NEK11: variants seen among roughly 807,000 people sequenced by gnomAD.
The protein encoded by NEK11 is serine/threonine-protein kinase Nek11.
NEK11 carries 72 observed loss-of-function variants against 80.7 expected under a neutral mutation model. The observed-to-expected ratio is 0.89, with a 90% CI of 0.74 to 1.08. The LOEUF is 1.08. Among genes scored for constraint, NEK11 ranks in the 50% least tolerant of loss-of-function variants. The probability of loss-of-function intolerance (pLI) is 0.00; values close to 1 mark genes in which losing one functional copy is unlikely to be tolerated. For missense variants in NEK11, 764 were observed against 763.6 expected (o/e 1.00, Z -0.01); for synonymous variants, 251 against 260.7 (o/e 0.96, Z 0.36).
intron 3 of NEK11, among the ~76,000 whole-genome samples, chr3:131,074,441 A>G (rs1490252455): frequency 2.0e-5 from 3 of 152,162 alleles, no homozygotes; most frequent in Non-Finnish European, 4.4e-5. Flanking sequence ...TTAATTCCAC[A>G]TTCCATAATG....
chr3:131,231,795 C>T (rs115169089), intron 15 of NEK11, among the ~76,000 whole-genome samples: 1 of 152,034 alleles, frequency 6.6e-6, no homozygotes, highest in Non-Finnish European at 1.5e-5. Context: ...CCTCTTCTCC[C>T]CTTTCCCTGG....
intron 3 of NEK11, among the ~76,000 whole-genome samples, chr3:131,069,128 T>C (rs892430741): frequency 1.3e-5 from 2 of 152,172 alleles, no homozygotes; most frequent in African/African-American, 4.8e-5. Flanking sequence ...ATTAAAACCC[T>C]AGATTTTTTT....
rs967086467 is a variant in NEK11, at chr3:131,097,561, T to C, written c.337-12242T>C. Among the ~76,000 whole-genome samples, 22 of 152,332 alleles carry C rather than the reference T, an allele frequency of 1.4e-4. 1 individual carries two copies. Among genetic ancestry groups the C allele is most frequent in the Admixed American group, 9.2e-4 (14 of 15,288 alleles). The stretch of plus-strand genomic sequence containing the variant: ...TTGAGAAGTGTCTGTTCATATCCTT[T>C]GCCCACTTTTTGATGGGGTTGTTTG... On this transcript the variant is annotated intron_variant, in intron 4 of 17. Transcript: ENST00000383366.
chr3:131,112,889 T>A (rs189211924), intron 5 of NEK11, among the ~76,000 whole-genome samples: 1 of 152,252 alleles, frequency 6.6e-6, no homozygotes, highest in East Asian at 1.9e-4. Flanking sequence ...AGGGCTTTAT[T>A]TTGGAGCATA....
intron 17 of NEK11, among the ~76,000 whole-genome samples, chr3:131,308,330 G>A (rs886362251): frequency 4.6e-5 from 7 of 152,148 alleles, no homozygotes; most frequent in African/African-American, 1.7e-4. Context: ...AGTCAAGAAA[G>A]TCTTAATACA....
intron 17 of NEK11, among the ~76,000 whole-genome samples, chr3:131,336,204 C>G (rs1474609032): frequency 6.6e-6 from 1 of 152,184 alleles, no homozygotes; most frequent in African/African-American, 2.4e-5. Flanking sequence ...CATCACGCTA[C>G]CTGACTTCAA....
chr3:131,214,853 A>G (rs146376300), intron 14 of NEK11, among the ~76,000 whole-genome samples: 4 of 152,300 alleles, frequency 2.6e-5, no homozygotes, highest in African/African-American at 9.6e-5. Flanking sequence ...TTAGCCCTCC[A>G]GAAAGGGTCA....
At chr3:131,241,993 A>AG (rs1202393006) in intron 15 of NEK11, among the ~76,000 whole-genome samples, 32 of 152,278 alleles carry the variant, frequency 2.1e-4, no homozygotes, top group Middle Eastern at 3.4e-3. Flanking sequence ...TTGTCTAAAA[A>AG]GGGAGATTCC....
intron 14 of NEK11, among the ~76,000 whole-genome samples, chr3:131,203,199 A>G (rs187242733): frequency 3.3e-5 from 5 of 152,272 alleles, no homozygotes; most frequent in African/African-American, 7.2e-5. Context: ...TCAATGATAG[A>G]CTGGATTAAG....
intron 15 of NEK11, among the ~76,000 whole-genome samples, chr3:131,238,563 G>A (rs2095471335): frequency 6.6e-6 from 1 of 152,132 alleles, no homozygotes; most frequent in Non-Finnish European, 1.5e-5. Context: ...GGGGTTTAGG[G>A]AAGACCTACT....
intron 3 of NEK11, among the ~76,000 whole-genome samples, chr3:131,033,393 T>C (rs961591679): frequency 3.9e-5 from 6 of 152,180 alleles, no homozygotes; most frequent in African/African-American, 7.2e-5. Flanking sequence ...ATGCTATTCC[T>C]TCAACACATC....
chr3:131,082,986 G>A (rs984892466), intron 4 of NEK11, among the ~76,000 whole-genome samples: 1 of 152,176 alleles, frequency 6.6e-6, no homozygotes, highest in African/African-American at 2.4e-5. Context: ...TACAATGCTA[G>A]TATGAAACCC....
chr3:131,230,553 T>C (rs1203587799), intron 15 of NEK11, among the ~76,000 whole-genome samples: 1 of 152,198 alleles, frequency 6.6e-6, no homozygotes, highest in Non-Finnish European at 1.5e-5. Flanking sequence ...AGGTATCCAG[T>C]ACCTCTTTAT....
intron 12 of NEK11, among the ~76,000 whole-genome samples, chr3:131,167,412 A>G (rs1326584474): frequency 6.6e-6 from 1 of 152,272 alleles, no homozygotes. Flanking sequence ...ATGGCAAAAA[A>G]GAAATGTAGT....
chr3:131,328,090 C>A (rs2097003114), intron 17 of NEK11, among the ~76,000 whole-genome samples: 1 of 151,820 alleles, frequency 6.6e-6, no homozygotes, highest in South Asian at 2.1e-4. Flanking sequence ...TTGAGACCAG[C>A]CTGGGAAACA....
intron 17 of NEK11, among the ~76,000 whole-genome samples, chr3:131,282,601 G>C (rs937472027): frequency 1.3e-5 from 2 of 150,354 alleles, no homozygotes; most frequent in African/African-American, 5.0e-5. Flanking sequence ...AGAAGGCACA[G>C]GGATTTTCTA....
chr3:131,200,106 C>A (rs2094170500), intron 14 of NEK11, among the ~76,000 whole-genome samples: 2 of 152,012 alleles, frequency 1.3e-5, no homozygotes, highest in African/African-American at 2.4e-5. Flanking sequence ...TTGAAAGAAT[C>A]CAGAGAAAAA....
At chr3:131,224,828 A>G (rs1302367933) in intron 14 of NEK11, among the ~76,000 whole-genome samples, 1 of 152,234 alleles carries the variant, frequency 6.6e-6, no homozygotes, top group Non-Finnish European at 1.5e-5. Context: ...AAAAATGCTT[A>G]TTGACTATCT....
chr3:131,188,837 A>C (rs890073083), intron 14 of NEK11, among the ~76,000 whole-genome samples: 1 of 150,052 alleles, frequency 6.7e-6, no homozygotes, highest in Non-Finnish European at 1.5e-5. Context: ...TACTTCCTGT[A>C]GTGAGTTGAA....
Sources: allele counts gnomAD v4.1 joint callset (sites outside exome capture counted in the v4.1 genomes callset), GRCh38; gene constraint gnomAD v4.1.1; transcripts MANE v1.5; gene names NCBI Gene and HGNC (gene_info 2026-07-23, HGNC 2026-07-21).